Variants in SMARCAL1 observed in about 807,000 individuals in gnomAD.
SMARCAL1 encodes the protein ATP-driven annealing helicase.
Under a neutral mutation model 94.5 loss-of-function variants are expected in SMARCAL1, and 58 were observed. The ratio of observed to expected loss-of-function variants is 0.61; its 90% CI spans 0.50 to 0.76. SMARCAL1 has a LOEUF of 0.76. Ranked by LOEUF, SMARCAL1 falls within the 30% of genes least tolerant of loss-of-function variation. The pLI is 0.00. For missense variants in SMARCAL1, 1,051 were observed against 1,177.9 expected (o/e 0.89, Z 1.58); for synonymous variants, 422 against 455.1 (o/e 0.93, Z 0.93).
Position 216,435,413 on chromosome 2 carries a change from G to A in SMARCAL1, c.1561G>A (p.Ala521Thr), listed in dbSNP as rs767438482. The A allele has an allele frequency of 1.2e-6, 2 of 1,614,166 alleles. No homozygotes were observed. The highest frequency in any genetic ancestry group is 2.2e-5 in the East Asian group (1 of 44,884). The change falls in exon 9 of 18, where the codon GCT becomes ACT. Residue 521 changes from alanine (A) to threonine (T), a missense_variant. Ala to Thr is a moderately conservative substitution (Grantham distance 58). Around this residue, in one of 3 missense-constraint regions of SMARCAL1, gnomAD observed 642 missense variants for 754.7 expected, o/e 0.85. Coordinates refer to ENST00000357276, the MANE Select transcript of SMARCAL1 (RefSeq NM_014140.4). The stretch of plus-strand genomic sequence containing the variant: ...GGTGACTGGGAAGGACCGCCTGACA[G>A]CTGGCCTGATCAACATTGTCAGCTT... ...VVVTGKDRLT[A>T]GLINIVSFDL... is the part of the protein sequence containing the mutation.
chr2:216,423,947 T>C (rs1480196439), intron 6 of SMARCAL1, among the ~76,000 whole-genome samples: 1 of 152,236 alleles, frequency 6.6e-6, no homozygotes, highest in Non-Finnish European at 1.5e-5. Context: ...GAAATCTTCC[T>C]GCTGTCATAG....
intron 8 of SMARCAL1, among the ~76,000 whole-genome samples, chr2:216,434,432 G>A (rs1011358668): frequency 2.6e-5 from 4 of 152,098 alleles, no homozygotes; most frequent in Non-Finnish European, 4.4e-5. Context: ...CTGCTACATC[G>A]TTCATAAAAT....
chr2:216,415,425 T>C lies in SMARCAL1; in HGVS notation c.721T>C (p.Cys241Arg). ...AGGAGTGAACTCTCAGAAGGGAAAGTGCGTAAGGAACGGCGATCGTTTCCA... is the reference window on the plus strand; with the variant it reads ...AGGAGTGAACTCTCAGAAGGGAAAGCGCGTAAGGAACGGCGATCGTTTCCA... ...QKGVNSQKGK[C>R]VRNGDRFQVL... Residue 241 changes from cysteine to arginine, a missense_variant, in exon 3 of 18, where the codon TGC becomes CGC. Physicochemically the swap from Cys to Arg is radical, Grantham distance 180. Coordinates refer to ENST00000357276, the MANE Select transcript of SMARCAL1 (RefSeq NM_014140.4). 6.2e-7 allele frequency: 1 copy of C among 1,614,158 alleles called. No individual in the cohort carries two copies. Among genetic ancestry groups the C allele is most frequent in the Non-Finnish European group, 8.5e-7 (1 of 1,180,044 alleles).
At chr2:216,423,522 A>G (rs1693768780) in intron 5 of SMARCAL1, 111 bp from the exon 6 acceptor site, 1 of 911,024 alleles carries the variant, frequency 1.1e-6, no homozygotes, top group Non-Finnish European at 1.8e-6. Context: ...CAGCTGCCAC[A>G]TTGTCTAAGC....
At chr2:216,439,605 G>A (rs768646986) in intron 10 of SMARCAL1, among the ~76,000 whole-genome samples, 5 of 152,196 alleles carry the variant, frequency 3.3e-5, no homozygotes, top group Non-Finnish European at 4.4e-5. Context: ...GAATGTTAAT[G>A]AAGCTTAGCA....
chr2:216,466,544 G>A (rs1694833160), intron 13 of SMARCAL1, among the ~76,000 whole-genome samples: 1 of 152,040 alleles, frequency 6.6e-6, no homozygotes, highest in Admixed American at 6.6e-5. Flanking sequence ...GCTGTTGTTT[G>A]TTTTTTCATT....
In SMARCAL1 at chr2:216,472,844, G is replaced by C. The variant is rs1227462596; in HGVS notation, c.2245-2425G>C. ...TTAAAAATGTGCGGTGCTCACTGTT[G>C]ATGAAAGTGTACGAAGATGGACATG... On this transcript the variant is annotated intron_variant, in intron 14 of 17. Transcript: ENST00000357276. 2.6e-5 allele frequency among the ~76,000 whole-genome samples: 4 copies of C among 152,106 alleles called. No individual in the cohort carries two copies. The East Asian group carries it at 7.7e-4, about 29-fold the overall frequency.
chr2:216,414,981 CA>C lies in SMARCAL1; in HGVS notation c.278del (p.Gln93ArgfsTer47), dbSNP rs1190936361. The C allele has an allele frequency of 1.9e-6, 3 of 1,614,112 alleles. No individual in the cohort carries two copies. The African/African-American group carries it at 4.0e-5, about 22-fold the overall frequency. ...AAGACCTCATGATTCCCACAGTTTT[CA>C]GGCAAAGGGAATATGGAAAAAGCCA... is the stretch of plus-strand genomic sequence containing the variant. ...DQRPHDSHSF[Q>X]AKGIWKKPEE... On this transcript the variant is annotated frameshift_variant, in exon 3 of 18. Coordinates refer to ENST00000357276, the MANE Select transcript of SMARCAL1 (RefSeq NM_014140.4). LOFTEE classifies it high-confidence loss of function.
rs1045872817 is a variant in SMARCAL1 at position 216,426,837 on chromosome 2, C to T, written c.1148-1759C>T. Among the ~76,000 whole-genome samples the T allele has an allele frequency of 5.3e-5, 8 of 152,300 alleles. No homozygotes were observed. In the South Asian group the frequency reaches 1.7e-3, roughly 32 times the overall value. On this transcript the variant is annotated intron_variant, in intron 6 of 17. Coordinates refer to ENST00000357276, the MANE Select transcript of SMARCAL1 (RefSeq NM_014140.4). ...TTCCTCACCCCATGCTGTCCTTCCT[C>T]ATGAGTGAAATTAGATCGATGACCC...
chr2:216,472,922 ATTAAG>A (rs778530048), intron 14 of SMARCAL1, among the ~76,000 whole-genome samples: 61 of 152,344 alleles, frequency 4.0e-4, no homozygotes, highest in South Asian at 1.2e-3. Context: ...GGAGCCTTAA[ATTAAG>A]TTTTTTCTTT....
intron 10 of SMARCAL1, chr2:216,446,714 TA>T: frequency 1.9e-6 from 1 of 540,452 alleles, no homozygotes; most frequent in Non-Finnish European, 3.5e-6. Context: ...CTACAGAAAA[TA>T]AAGGTGAATA....
intron 14 of SMARCAL1, among the ~76,000 whole-genome samples, chr2:216,474,859 C>A (rs549990624): frequency 4.5e-4 from 68 of 152,238 alleles, no homozygotes; most frequent in South Asian, 1.5e-3. Flanking sequence ...AGGATCCTTG[C>A]AATGTTGGAG....
chr2:216,420,570 A>G, intron 5 of SMARCAL1, 38 bp downstream of exon 5: 1 of 1,512,120 alleles, frequency 6.6e-7, no homozygotes, highest in Non-Finnish European at 9.2e-7. Context: ...CAGAATGTGT[A>G]GTGGTCTGTG....
In SMARCAL1 at chr2:216,451,073, A is replaced by T. The variant is rs2106055533; in HGVS notation, c.2070+9A>T. 5 of 1,609,628 alleles carry T rather than the reference A, an allele frequency of 3.1e-6. No individual in the cohort carries two copies. The highest frequency in any genetic ancestry group is 4.3e-6 in the Non-Finnish European group (5 of 1,175,994). On this transcript the variant is annotated intron_variant, in intron 12 of 17. Transcript: ENST00000357276. The stretch of plus-strand genomic sequence containing the variant: ...CCACCAAGGACAAAACTGTGAGTCC[A>T]GGGCTGGAGACAGATTTGGAAGCAG...
At chr2:216,464,707 T>C (rs774342102) in intron 13 of SMARCAL1, 40 bp downstream of exon 13, 1 of 1,240,370 alleles carries the variant, frequency 8.1e-7, no homozygotes, top group Non-Finnish European at 1.2e-6. Flanking sequence ...CTCTCTCATC[T>C]TCAAAAAAAA....
chr2:216,425,888 C>T (rs1321971261), intron 6 of SMARCAL1, among the ~76,000 whole-genome samples: 8 of 152,230 alleles, frequency 5.3e-5, no homozygotes, highest in African/African-American at 1.9e-4. Context: ...CTGGAACTGA[C>T]AGCCTGGTTT....
chr2:216,415,884 A>T, intron 3 of SMARCAL1: 1 of 384,520 alleles, frequency 2.6e-6, no homozygotes, highest in Non-Finnish European at 4.9e-6. Context: ...TGACAGGCCC[A>T]GTTTCATTGG....
At chr2:216,480,800 G>A (rs1695177940) in intron 17 of SMARCAL1, among the ~76,000 whole-genome samples, 1 of 152,116 alleles carries the variant, frequency 6.6e-6, no homozygotes, top group Non-Finnish European at 1.5e-5. Context: ...AAAAGCCAGG[G>A]GAGCAACTGT....
At chr2:216,443,166 G>A (rs1365152022) in intron 10 of SMARCAL1, among the ~76,000 whole-genome samples, 3 of 152,048 alleles carry the variant, frequency 2.0e-5, no homozygotes, top group Admixed American at 1.3e-4. Flanking sequence ...ATCACTTGAG[G>A]TCAAGAGTTG....
Sources: allele counts gnomAD v4.1 joint callset (sites outside exome capture counted in the v4.1 genomes callset), GRCh38; gene constraint gnomAD v4.1.1; regional missense constraint gnomAD v4.1.1; transcripts MANE v1.5; gene names NCBI Gene and HGNC (gene_info 2026-07-23, HGNC 2026-07-21).